CATSPERT: variants seen among roughly 807,000 people sequenced by gnomAD.
The protein encoded by CATSPERT is catsper channel auxiliary subunit tau.
chr2:201,615,527 T>C, the CATSPERT span, among the ~76,000 whole-genome samples: 1 of 152,138 alleles, frequency 6.6e-6, no homozygotes, highest in Non-Finnish European at 1.5e-5. Flanking sequence ...AGACACAACA[T>C]ACCAGAATCT....
chr2:201,581,502 AT>A, the CATSPERT span, among the ~76,000 whole-genome samples: 2 of 100,870 alleles, frequency 2.0e-5, 1 homozygote, highest in African/African-American at 8.2e-5. Context: ...ATATATATAT[AT>A]ATATATATAT....
the CATSPERT span, among the ~76,000 whole-genome samples, chr2:201,507,992 T>TC: frequency 6.6e-6 from 1 of 151,978 alleles, no homozygotes; most frequent in African/African-American, 2.4e-5. Context: ...ACCAAGCCCC[T>TC]CCCCCGACGT....
the CATSPERT span, chr2:201,492,978 G>T: frequency 6.5e-7 from 1 of 1,536,236 alleles, no homozygotes; most frequent in Non-Finnish European, 8.7e-7. Flanking sequence ...TGTCTAATTT[G>T]TCTGCTTTAT....
the CATSPERT span, among the ~76,000 whole-genome samples, chr2:201,587,827 C>A: frequency 3.9e-5 from 6 of 151,980 alleles, no homozygotes; most frequent in African/African-American, 7.3e-5. Flanking sequence ...GCCACTGACC[C>A]CACAAAAATA....
At chr2:201,593,865 T>C in the CATSPERT span, among the ~76,000 whole-genome samples, 1 of 151,954 alleles carries the variant, frequency 6.6e-6, no homozygotes, top group East Asian at 1.9e-4. Context: ...TTTGAGCCTA[T>C]GTGTGTCTCT....
chr2:201,502,381 G>C, the CATSPERT span, among the ~76,000 whole-genome samples: 118 of 152,150 alleles, frequency 7.8e-4, no homozygotes, highest in African/African-American at 2.7e-3. Flanking sequence ...AGACCAGCCT[G>C]ACCAACATGA....
the CATSPERT span, among the ~76,000 whole-genome samples, chr2:201,597,512 G>A: frequency 1.3e-5 from 2 of 151,976 alleles, no homozygotes; most frequent in East Asian, 1.9e-4. Context: ...TCTGCTCAGC[G>A]TCTGCTTCCT....
the CATSPERT span, among the ~76,000 whole-genome samples, chr2:201,581,374 A>G: frequency 6.8e-6 from 1 of 147,652 alleles, no homozygotes; most frequent in Admixed American, 6.8e-5. Flanking sequence ...TATTTTCCAG[A>G]AAGTTAGTTA....
the CATSPERT span, among the ~76,000 whole-genome samples, chr2:201,577,249 C>CA: frequency 0.98 from 147,469 of 151,168 alleles, 72,007 homozygotes; most frequent in Non-Finnish European, 1. Flanking sequence ...ATTCCAACAT[C>CA]AAAAAAAAAT....
the CATSPERT span, chr2:201,571,804 A>G: frequency 3.5e-5 from 23 of 663,708 alleles, no homozygotes; most frequent in South Asian, 4.6e-4. Flanking sequence ...TACTCTCTTC[A>G]CCTCAGAGTC....
the CATSPERT span, among the ~76,000 whole-genome samples, chr2:201,610,539 G>A: frequency 6.6e-6 from 1 of 151,222 alleles, no homozygotes; most frequent in African/African-American, 2.4e-5. Context: ...AACTCTCGAA[G>A]AAGAACTAAC....
the CATSPERT span, chr2:201,604,681 A>G: frequency 2.5e-6 from 4 of 1,601,962 alleles, no homozygotes; most frequent in Non-Finnish European, 3.4e-6. Context: ...AGACTCTTTA[A>G]GAGTTTTTCT....
chr2:201,566,357 TC>T, the CATSPERT span, among the ~76,000 whole-genome samples: 3 of 73,526 alleles, frequency 4.1e-5, no homozygotes, highest in Non-Finnish European at 7.2e-5. Flanking sequence ...CCCTCCCCCC[TC>T]CCCCCACCCC....
At chr2:201,597,164 A>G in the CATSPERT span, among the ~76,000 whole-genome samples, 3 of 152,314 alleles carry the variant, frequency 2.0e-5, no homozygotes, top group South Asian at 6.2e-4. Flanking sequence ...TCTGTAGAAC[A>G]TGGTCCTTGC....
chr2:201,498,745 C>G, the CATSPERT span, among the ~76,000 whole-genome samples: 1 of 152,056 alleles, frequency 6.6e-6, no homozygotes, highest in South Asian at 2.1e-4. Flanking sequence ...CCTCTTGGAC[C>G]CTTCGTTATC....
At chr2:201,588,598 CTT>C in the CATSPERT span, among the ~76,000 whole-genome samples, 7 of 141,620 alleles carry the variant, frequency 4.9e-5, no homozygotes, top group African/African-American at 7.8e-5. Context: ...GTTCCCTACT[CTT>C]TTTTTTTTTT....
the CATSPERT span, among the ~76,000 whole-genome samples, chr2:201,519,133 T>C: frequency 6.6e-6 from 1 of 152,146 alleles, no homozygotes; most frequent in African/African-American, 2.4e-5. Context: ...CCAAATCCCA[T>C]AAGCTGAATC....
At chr2:201,494,495 T>G in the CATSPERT span, 1 of 1,537,112 alleles carries the variant, frequency 6.5e-7, no homozygotes, top group South Asian at 1.2e-5. Context: ...TTTATTGTAT[T>G]GATAGTAGGA....
At chr2:201,614,331 G>A in the CATSPERT span, among the ~76,000 whole-genome samples, 4 of 152,176 alleles carry the variant, frequency 2.6e-5, no homozygotes, top group Non-Finnish European at 5.9e-5. Context: ...TACCCACAAA[G>A]GGAAGCCCAT....
Sources: allele counts gnomAD v4.1 joint callset (sites outside exome capture counted in the v4.1 genomes callset), GRCh38; gene constraint gnomAD v4.1.1; transcripts MANE v1.5; gene names NCBI Gene and HGNC (gene_info 2026-07-23, HGNC 2026-07-21).